The following SNRPN variants were observed in gnomAD, a reference collection of about 807,000 sequenced individuals.
The protein encoded by SNRPN is small nuclear ribonucleoprotein-associated protein N.
Under a neutral mutation model 25.2 loss-of-function variants are expected in SNRPN, and 7 were observed. The observed-to-expected ratio is 0.28, with a 90% CI of 0.16 to 0.52. The LOEUF (loss-of-function observed/expected upper bound fraction) is 0.52, where lower values mean the gene tolerates loss of function less well. SNRPN is among the 20% of genes least tolerant of loss of function. The pLI, the probability that SNRPN is intolerant of heterozygous loss-of-function variation, is 0.96. For missense variants in SNRPN, 196 were observed against 322.5 expected, an observed-to-expected ratio of 0.61 and a Z score of 3.00; for synonymous variants, 124 against 110.6, an observed-to-expected ratio of 1.12 and a Z score of -0.76.
chr15:24,971,744 C>T (rs568192421), intron 3 of SNRPN, among the ~76,000 whole-genome samples: 7 of 152,188 alleles, frequency 4.6e-5, no homozygotes, highest in South Asian at 2.1e-4. Context: ...GGGTTAAAAA[C>T]GGCTTTAGTG....
intron 1 of SNRPN, among the ~76,000 whole-genome samples, chr15:24,862,553 A>C (rs1051268593): frequency 2.0e-5 from 3 of 151,238 alleles, no homozygotes; most frequent in African/African-American, 7.4e-5. Context: ...CAACAAAAAA[A>C]CAAAATCTTC....
At chr15:24,896,964 C>T (rs1466783101) in intron 2 of SNRPN, among the ~76,000 whole-genome samples, 3 of 152,018 alleles carry the variant, frequency 2.0e-5, no homozygotes, top group Non-Finnish European at 2.9e-5. Context: ...CCAGCCTGGG[C>T]AACATGGTAA....
intron 3 of SNRPN, among the ~76,000 whole-genome samples, chr15:24,940,653 A>C (rs1190547751): frequency 1.3e-5 from 2 of 152,166 alleles, no homozygotes; most frequent in Non-Finnish European, 2.9e-5. Flanking sequence ...AGTGAGGAAG[A>C]TTGTTAATCA....
At chr15:24,906,514 G>A (rs2058817939) in intron 2 of SNRPN, among the ~76,000 whole-genome samples, 1 of 152,178 alleles carries the variant, frequency 6.6e-6, no homozygotes, top group South Asian at 2.1e-4. Context: ...ATAATCTGAG[G>A]AGAAATTAGC....
rs906222894 is a variant in SNRPN at position 24,929,631 on chromosome 15, A to T, written c.-391+9507A>T. Among the ~76,000 whole-genome samples, 4 of 151,718 alleles carry T rather than the reference A, an allele frequency of 2.6e-5. No individual in the cohort carries two copies. Among genetic ancestry groups the T allele is most frequent in the African/African-American group, 9.7e-5 (4 of 41,296 alleles). The stretch of plus-strand genomic sequence containing the variant: ...AAATGGCCCAGGGCCCTGGGCTGAG[A>T]CCCAGCCAACTCTCTATGGGGCTGC... On this transcript the variant is annotated intron_variant, in intron 3 of 11. Coordinates refer to the SNRPN transcript ENST00000400097. The surrounding 1 kb of genome is among the most constrained non-coding windows in gnomAD (Gnocchi z 5.3).
intron 1 of SNRPN, among the ~76,000 whole-genome samples, chr15:24,825,676 G>T (rs1193217143): frequency 1.3e-5 from 2 of 152,036 alleles, no homozygotes; most frequent in African/African-American, 2.4e-5. Flanking sequence ...TCTTAAGAGT[G>T]CTCAGAACAC....
chr15:24,949,171 GC>G (rs1444832409), intron 3 of SNRPN, among the ~76,000 whole-genome samples: 2 of 151,758 alleles, frequency 1.3e-5, no homozygotes, highest in Non-Finnish European at 2.9e-5. Flanking sequence ...GCAGGCACGT[GC>G]CACCACACCC....
chr15:24,970,436 G>A (rs1166020779), intron 3 of SNRPN, among the ~76,000 whole-genome samples: 7 of 152,020 alleles, frequency 4.6e-5, no homozygotes, highest in Admixed American at 2.0e-4. Flanking sequence ...AATATTAGCC[G>A]GGTGTAGTGG....
Position 24,929,130 on chromosome 15 carries a change from A to G in SNRPN, c.-391+9006A>G, listed in dbSNP as rs1208166216. On this transcript the variant is annotated intron_variant, in intron 3 of 11. Transcript: ENST00000400097. This position sits in a 1 kb window ranked among gnomAD's most constrained non-coding sequence, Gnocchi z 5.3. The stretch of plus-strand genomic sequence containing the variant: ...ATACGGGATATAAAGATATAGCTAT[A>G]TGTATGTGACTATATGTATTGTGTA... Among the ~76,000 whole-genome samples the G allele has an allele frequency of 2.6e-5, 4 of 152,106 alleles. No homozygotes were observed. Among genetic ancestry groups the G allele is most frequent in the African/African-American group, 9.7e-5 (4 of 41,408 alleles).
intron 2 of SNRPN, among the ~76,000 whole-genome samples, chr15:24,907,250 G>A (rs776651438): frequency 6.6e-6 from 1 of 152,134 alleles, no homozygotes; most frequent in African/African-American, 2.4e-5. Context: ...TCCAGGCCAA[G>A]TATCCAGGGA....
intron 3 of SNRPN, among the ~76,000 whole-genome samples, chr15:24,932,890 C>G (rs2060968556): frequency 6.6e-6 from 1 of 152,098 alleles, no homozygotes; most frequent in African/African-American, 2.4e-5. Context: ...CTCAGGTGAC[C>G]CACCTGCCGC....
At chr15:24,823,812 G>A (rs1233706175) in exon 1 of SNRPN, 2 of 152,178 alleles carry the variant, frequency 1.3e-5, no homozygotes, top group Non-Finnish European at 2.9e-5. Flanking sequence ...GCTGATCAAT[G>A]ACACCTTCCT....
intron 3 of SNRPN, among the ~76,000 whole-genome samples, chr15:24,944,131 G>C (rs2061737783): frequency 1.3e-5 from 2 of 152,166 alleles, no homozygotes; most frequent in Non-Finnish European, 2.9e-5. Context: ...TGCATCATTG[G>C]TTCTTGCAGA....
chr15:24,824,172 A>G (rs1270941943), intron 1 of SNRPN, among the ~76,000 whole-genome samples: 2 of 152,106 alleles, frequency 1.3e-5, no homozygotes, highest in African/African-American at 4.8e-5. Flanking sequence ...CCTGAGAGCC[A>G]CAGGACAAAA....
chr15:24,874,476 G>A (rs942855468), intron 1 of SNRPN, among the ~76,000 whole-genome samples: 1 of 152,082 alleles, frequency 6.6e-6, no homozygotes. Context: ...TATCCACCGT[G>A]GGTTTATACT....
chr15:24,875,284 G>C (rs2055741934), intron 1 of SNRPN, among the ~76,000 whole-genome samples: 1 of 152,182 alleles, frequency 6.6e-6, no homozygotes. Flanking sequence ...TACAGGAAAA[G>C]AGTAGAAAAA....
At chr15:24,909,747 C>T in intron 2 of SNRPN, 1 of 1,255,718 alleles carries the variant, frequency 8.0e-7, no homozygotes, top group South Asian at 1.2e-5. Flanking sequence ...TCAGTTTTAC[C>T]CTCTCATCAT....
chr15:24,844,144 G>C (rs1186198830), intron 2 of SNRPN, among the ~76,000 whole-genome samples: 1 of 151,872 alleles, frequency 6.6e-6, no homozygotes, highest in Non-Finnish European at 1.5e-5. Context: ...GTGTGTGTGT[G>C]TGTGTGTTTG....
chr15:24,864,359 TTTTGGTGGAA>T (rs2054344841), intron 1 of SNRPN, among the ~76,000 whole-genome samples: 1 of 126,250 alleles, frequency 7.9e-6, no homozygotes, highest in Admixed American at 8.4e-5. Context: ...TTTTTTTTTT[TTTTGGTGGAA>T]TTTTGCTTTT....
Sources: gnomAD v4.1 joint callset for allele counts (sites outside exome capture counted in the v4.1 genomes callset) on GRCh38, gnomAD v4.1.1 for gene constraint, Gnocchi (gnomAD v3.1) non-coding constraint, MANE v1.5 for transcripts, NCBI Gene and HGNC (gene_info 2026-07-23, HGNC 2026-07-21) for gene names.